MTREX: variants seen among roughly 807,000 people sequenced by gnomAD.
MTREX encodes the protein Mtr4 exosome RNA helicase.
In MTREX, 76 loss-of-function variants were observed where a neutral mutation model predicts 135.4. The ratio of observed to expected loss-of-function variants is 0.56; its 90% CI spans 0.47 to 0.68. The LOEUF is 0.68. Ranked by LOEUF, MTREX falls within the 30% of genes least tolerant of loss-of-function variation. The probability of loss-of-function intolerance (pLI) is 0.00; values close to 1 mark genes in which losing one functional copy is unlikely to be tolerated. For synonymous variants in MTREX, 404 were observed against 401.6 expected (o/e 1.01, Z -0.07); for missense variants, 920 against 1,262.1 (o/e 0.73, Z 4.11).
At chr5:55,420,508 T>C (rs1329343141) in intron 25 of MTREX, among the ~76,000 whole-genome samples, 2 of 152,222 alleles carry the variant, frequency 1.3e-5, no homozygotes, top group Non-Finnish European at 2.9e-5. Flanking sequence ...TGTTCCATTG[T>C]AATAAAGATT....
chr5:55,388,602 G>C (rs1750517910), intron 19 of MTREX, among the ~76,000 whole-genome samples: 1 of 152,136 alleles, frequency 6.6e-6, no homozygotes, highest in South Asian at 2.1e-4. Flanking sequence ...CCAAATGTAA[G>C]CCAGTGTAAG....
At chr5:55,316,650 A>G (rs1749203107) in intron 1 of MTREX, among the ~76,000 whole-genome samples, 1 of 152,222 alleles carries the variant, frequency 6.6e-6, no homozygotes, top group Non-Finnish European at 1.5e-5. Context: ...TAATAGAGCC[A>G]TCTATGACAA....
At chr5:55,340,978 A>G (rs1749639631) in intron 6 of MTREX, among the ~76,000 whole-genome samples, 2 of 152,198 alleles carry the variant, frequency 1.3e-5, no homozygotes, top group Non-Finnish European at 2.9e-5. Flanking sequence ...AGTTTTGGAC[A>G]TGATTAGTTA....
At chr5:55,402,489 A>G (rs1358818807) in intron 21 of MTREX, among the ~76,000 whole-genome samples, 1 of 152,194 alleles carries the variant, frequency 6.6e-6, no homozygotes, top group Non-Finnish European at 1.5e-5. Context: ...TGAAGGCATT[A>G]TCTGAGCTGC....
intron 1 of MTREX, among the ~76,000 whole-genome samples, chr5:55,314,130 G>C (rs960159050): frequency 3.9e-5 from 6 of 152,038 alleles, no homozygotes; most frequent in African/African-American, 1.5e-4. Flanking sequence ...GTTGTTGTTT[G>C]CCATTTTATC....
intron 5 of MTREX, among the ~76,000 whole-genome samples, chr5:55,338,503 TG>T (rs1749589041): frequency 6.6e-6 from 1 of 151,400 alleles, no homozygotes; most frequent in African/African-American, 2.4e-5. Flanking sequence ...TTTCATGCTG[TG>T]TTAATTGAGC....
Position 55,425,123 on chromosome 5 carries a change from G to C in MTREX, c.*351G>C, listed in dbSNP as rs1160877962. On this transcript the variant is annotated 3_prime_UTR_variant, in exon 27 of 27. Transcript: ENST00000230640. The stretch of plus-strand genomic sequence containing the variant: ...AAGTCTTTAAAGGCTTGTACACCAG[G>C]AAGAAAGATGCATCCTCTTGCCTTG... The C allele has an allele frequency of 6.7e-7, 1 of 1,497,586 alleles. No individual in the cohort carries two copies. Among genetic ancestry groups the C allele is most frequent in the Non-Finnish European group, 9.0e-7 (1 of 1,109,992 alleles). 92.8% of individuals were successfully genotyped at this position (1,497,586 alleles called of 1,614,324 possible). A position where few individuals can be genotyped will look rare whatever the true frequency, so the allele number is the denominator to read the frequency against.
Position 55,308,100 on chromosome 5 carries a change from G to C in MTREX, c.87G>C (p.Lys29Asn). 2 of 1,613,854 alleles carry C rather than the reference G, an allele frequency of 1.2e-6. No individual in the cohort carries two copies. The highest frequency in any genetic ancestry group is 1.7e-6 in the Non-Finnish European group (2 of 1,179,888). ...TAAGTKKDKE[K>N]DKGKWKGPPG... Reference sequence around the variant, plus strand: ...CGGGAACCAAAAAAGACAAGGAAAAGGACAAGGGGAAATGGAAGGGGCCTC... The same window carrying C: ...CGGGAACCAAAAAAGACAAGGAAAACGACAAGGGGAAATGGAAGGGGCCTC... Residue 29 changes from lysine (K) to asparagine (N), a missense_variant, in exon 1 of 27, where the codon AAG becomes AAC. Transcript: ENST00000230640.
At chr5:55,349,185 CT>C (rs369214186) in intron 11 of MTREX, among the ~76,000 whole-genome samples, 105 of 128,712 alleles carry the variant, frequency 8.2e-4, no homozygotes, top group East Asian at 2.7e-3. Flanking sequence ...TTTAAAGACT[CT>C]TTTTTTTTTT....
At chr5:55,345,467 A>G (rs1395198135) in intron 10 of MTREX, among the ~76,000 whole-genome samples, 1 of 152,132 alleles carries the variant, frequency 6.6e-6, no homozygotes, top group Non-Finnish European at 1.5e-5. Flanking sequence ...AAATATTTTC[A>G]TGAACCCAAA....
chr5:55,405,075 G>A (rs1045157794), intron 21 of MTREX, among the ~76,000 whole-genome samples: 1 of 152,004 alleles, frequency 6.6e-6, no homozygotes, highest in African/African-American at 2.4e-5. Context: ...GGGATTACAG[G>A]TGTGAGCCAT....
intron 23 of MTREX, among the ~76,000 whole-genome samples, 195 bp from the exon 24 acceptor site, chr5:55,413,987 A>G (rs1267064848): frequency 7.9e-5 from 12 of 152,204 alleles, no homozygotes; most frequent in Admixed American, 6.5e-4. Context: ...ACAGAATATT[A>G]TAATTTGGGA....
intron 18 of MTREX, 25 bp from the exon 19 acceptor site, chr5:55,387,949 G>T: frequency 6.4e-7 from 1 of 1,554,716 alleles, no homozygotes; most frequent in South Asian, 1.2e-5. Context: ...AAGAATGAAT[G>T]AACATCTTCT....
intron 25 of MTREX, among the ~76,000 whole-genome samples, chr5:55,420,321 C>G (rs1352835708): frequency 6.6e-6 from 1 of 152,184 alleles, no homozygotes; most frequent in East Asian, 1.9e-4. Context: ...CTGCTGCTTT[C>G]TCTCCTTAAT....
intron 7 of MTREX, among the ~76,000 whole-genome samples, chr5:55,342,209 G>A (rs1749660896): frequency 6.6e-6 from 1 of 152,136 alleles, no homozygotes; most frequent in African/African-American, 2.4e-5. Context: ...ACCCAGCCTT[G>A]CTTCTTTAAA....
chr5:55,309,036 C>A (rs1749049287), intron 1 of MTREX, among the ~76,000 whole-genome samples: 1 of 152,078 alleles, frequency 6.6e-6, no homozygotes, highest in African/African-American at 2.4e-5. Context: ...ATGATATATA[C>A]AATTAAGTGT....
chr5:55,419,000 T>C (rs1751015052), intron 25 of MTREX, among the ~76,000 whole-genome samples: 1 of 152,132 alleles, frequency 6.6e-6, no homozygotes, highest in Non-Finnish European at 1.5e-5. Context: ...TGTACCACCA[T>C]GCCCAGCTAA....
chr5:55,388,090 A>AGG lies in MTREX; in HGVS notation c.2170_2171dup (p.Met726ArgfsTer36). The AGG allele has an allele frequency of 6.2e-7, 1 of 1,606,190 alleles. No homozygotes were observed. ...CAAAACCAGCTAAACCTGATGAGAA[A>AGG]GGAGAGATGCAGGTTTGTACATAAC... is the stretch of plus-strand genomic sequence containing the variant. On this transcript the variant is annotated frameshift_variant, in exon 19 of 27. Coordinates refer to ENST00000230640, the MANE Select transcript of MTREX (RefSeq NM_015360.5). LOFTEE classifies it high-confidence loss of function.
chr5:55,311,667 A>G (rs1488373991), intron 1 of MTREX, among the ~76,000 whole-genome samples: 1 of 152,222 alleles, frequency 6.6e-6, no homozygotes. Flanking sequence ...GCTGTTGAGC[A>G]CTTAAAATAT....
Sources: allele counts gnomAD v4.1 joint callset (sites outside exome capture counted in the v4.1 genomes callset), GRCh38; gene constraint gnomAD v4.1.1; transcripts MANE v1.5; gene names NCBI Gene and HGNC (gene_info 2026-07-23, HGNC 2026-07-21).